MLPH: variants seen among roughly 807,000 people sequenced by gnomAD.
MLPH encodes melanophilin.
Under a neutral mutation model 72.1 loss-of-function variants are expected in MLPH, and 51 were observed. That is an observed-to-expected ratio of 0.71 (90% CI 0.56 to 0.89). MLPH has a LOEUF of 0.89. Ranked by LOEUF, MLPH falls within the 40% of genes least tolerant of loss-of-function variation. MLPH has a pLI of 0.00. For missense variants in MLPH, 743 were observed against 759.9 expected, an observed-to-expected ratio of 0.98 and a Z score of 0.26; for synonymous variants, 301 against 310.1, an observed-to-expected ratio of 0.97 and a Z score of 0.31.
chr2:237,501,785 G>A (rs1400881614), intron 2 of MLPH, among the ~76,000 whole-genome samples: 5 of 151,666 alleles, frequency 3.3e-5, no homozygotes, highest in Non-Finnish European at 1.5e-5. Context: ...GGAGGCGGAG[G>A]TTGCATGAGC....
chr2:237,510,785 C>A lies in MLPH; in HGVS notation c.322C>A (p.His108Asn). 2 of 1,613,450 alleles carry A rather than the reference C, an allele frequency of 1.2e-6. No homozygotes were observed. Among genetic ancestry groups the A allele is most frequent in the South Asian group, 2.2e-5 (2 of 91,064 alleles). The change falls in exon 3 of 16, where the codon CAT becomes AAT. Residue 108 changes from histidine (H) to asparagine (N), a missense_variant. Coordinates refer to ENST00000264605, the MANE Select transcript of MLPH (RefSeq NM_024101.7). The surrounding 1 kb of genome is among the most constrained non-coding windows in gnomAD (Gnocchi z 4.4). Reference protein sequence around the residue: ...EEQGWICDPCHLARVVKIGSL... With the variant: ...EEQGWICDPCNLARVVKIGSL... ...GCAGGGCTGGATCTGTGACCCCTGC[C>A]ATCTGGCCAGGTGAGCCCAGGCCTT...
At chr2:237,521,209 C>T (rs79071719) in intron 6 of MLPH, among the ~76,000 whole-genome samples, 21,279 of 151,912 alleles carry the variant, frequency 0.14, 1,594 homozygotes, top group Non-Finnish European at 0.16. Context: ...GCGAAGAAAA[C>T]AATATGGGTA....
At chr2:237,525,980 C>T (rs1352941683) in intron 7 of MLPH, among the ~76,000 whole-genome samples, 175 bp downstream of exon 7, 1 of 152,356 alleles carries the variant, frequency 6.6e-6, no homozygotes, top group Middle Eastern at 3.4e-3. Flanking sequence ...CACCTGCCGT[C>T]CCCGGGACCG....
intron 2 of MLPH, among the ~76,000 whole-genome samples, chr2:237,502,479 T>C (rs1159498726): frequency 6.6e-6 from 1 of 152,194 alleles, no homozygotes; most frequent in African/African-American, 2.4e-5. Context: ...ATCATGCTTG[T>C]GTCAAGTTCT....
chr2:237,508,550 A>G (rs372318142), intron 2 of MLPH, among the ~76,000 whole-genome samples: 2 of 152,194 alleles, frequency 1.3e-5, no homozygotes, highest in East Asian at 3.8e-4. Context: ...AGAAAAGGCA[A>G]ATGATGTCTC....
chr2:237,518,270 G>T, intron 4 of MLPH: 1 of 554,602 alleles, frequency 1.8e-6, no homozygotes, highest in Non-Finnish European at 3.4e-6. Context: ...TGGATGGATG[G>T]GCTGCCCATT....
chr2:237,525,623 C>T lies in MLPH; in HGVS notation c.698C>T (p.Ser233Leu), dbSNP rs747267659. The T allele has an allele frequency of 6.2e-7, 1 of 1,614,120 alleles. No individual in the cohort carries two copies. Among genetic ancestry groups the T allele is most frequent in the Non-Finnish European group, 8.5e-7 (1 of 1,180,022 alleles). Residue 233 changes from serine (S) to leucine (L), a missense_variant, in exon 7 of 16, where the codon TCA becomes TTA. Physicochemically the swap from Ser to Leu is moderately radical, Grantham distance 145. Coordinates refer to ENST00000264605, the MANE Select transcript of MLPH (RefSeq NM_024101.7). ...SPQSLTDESC[S>L]EKAAPHKAEG... ...TAGTCCCTCACAGATGAGTCCTGCTCAGAGAAGGCAGCCCCTCACAAGGCT... is the reference window on the plus strand; with the variant it reads ...TAGTCCCTCACAGATGAGTCCTGCTTAGAGAAGGCAGCCCCTCACAAGGCT...
At chr2:237,545,251 A>AG (rs1325457111) in intron 12 of MLPH, among the ~76,000 whole-genome samples, 1 of 140,124 alleles carries the variant, frequency 7.1e-6, no homozygotes, top group Admixed American at 7.0e-5. Flanking sequence ...GTGGTGAGTG[A>AG]GGGGAACACA....
At chr2:237,488,437 A>G (rs533466194) in intron 1 of MLPH, among the ~76,000 whole-genome samples, 2 of 147,078 alleles carry the variant, frequency 1.4e-5, no homozygotes, top group East Asian at 3.9e-4. Context: ...GCTGGCCTGC[A>G]TCTGTCCTAG....
In MLPH at chr2:237,540,539, A is replaced by G; in HGVS notation, c.1290+6A>G. ...TCCCCCAGGCGGACCCGGAGGTAAG[A>G]CTATCCCCCAGAGGTCTCAGCAGGA... On this transcript the variant is annotated splice_donor_region_variant and intron_variant, in intron 10 of 15. Coordinates refer to ENST00000264605, the MANE Select transcript of MLPH (RefSeq NM_024101.7). 6.2e-7 allele frequency: 1 copy of G among 1,608,896 alleles called. No individual in the cohort carries two copies. The highest frequency in any genetic ancestry group is 8.5e-7 in the Non-Finnish European group (1 of 1,178,918).
At chr2:237,538,812 AG>A (rs2106371468) in intron 9 of MLPH, among the ~76,000 whole-genome samples, 1 of 152,360 alleles carries the variant, frequency 6.6e-6, no homozygotes, top group East Asian at 1.9e-4. Context: ...AACACAGGTC[AG>A]GAGGTGGAGG....
intron 5 of MLPH, 136 bp downstream of exon 5, chr2:237,518,784 T>TCTG: frequency 1.4e-6 from 1 of 728,020 alleles, no homozygotes. Flanking sequence ...GCACCAAGAA[T>TCTG]CTGCTGCCCT....
chr2:237,507,259 G>T (rs1417704521), intron 2 of MLPH: 2 of 151,746 alleles, frequency 1.3e-5, no homozygotes, highest in Non-Finnish European at 2.9e-5. Flanking sequence ...TAGAGACAGG[G>T]TTTCACCACA....
intron 2 of MLPH, among the ~76,000 whole-genome samples, chr2:237,501,697 A>AAAAAAAC (rs2079654573): frequency 6.8e-6 from 1 of 146,220 alleles, no homozygotes; most frequent in African/African-American, 2.5e-5. Flanking sequence ...AAATACAAAA[A>AAAAAAAC]AATTAGCCAG....
At chr2:237,542,443 G>A in intron 11 of MLPH, 124 bp from the exon 12 acceptor site, 1 of 782,408 alleles carries the variant, frequency 1.3e-6, no homozygotes, top group Non-Finnish European at 2.2e-6. Flanking sequence ...CCAATCTTAA[G>A]GGAAAACACA....
At chr2:237,524,320 T>TATATATATATAGATATATATATATATAC (rs2080255684) in intron 6 of MLPH, among the ~76,000 whole-genome samples, 1 of 146,968 alleles carries the variant, frequency 6.8e-6, no homozygotes, top group African/African-American at 2.7e-5. Flanking sequence ...TATATATATA[T>TATATATATATAGATATATATATATATAC]AAAGGGGAGT....
intron 9 of MLPH, among the ~76,000 whole-genome samples, chr2:237,536,755 T>A (rs1158972510): frequency 6.6e-6 from 1 of 152,018 alleles, no homozygotes; most frequent in Non-Finnish European, 1.5e-5. Flanking sequence ...CCTGCCCAAC[T>A]CCTTCCCCAC....
chr2:237,545,526 T>C (rs2106404183), intron 12 of MLPH: 2 of 1,289,006 alleles, frequency 1.6e-6, no homozygotes, highest in African/African-American at 3.0e-5. Context: ...CAGTGTAAAA[T>C]CCAAAAGGAG....
At chr2:237,525,849 G>A (rs758018571) in intron 7 of MLPH, 44 bp downstream of exon 7, 7 of 1,578,016 alleles carry the variant, frequency 4.4e-6, no homozygotes, top group Middle Eastern at 2.2e-4. Context: ...CTCGGCATGG[G>A]GGAGCAGGTC....
Sources: gnomAD v4.1 joint callset for allele counts (sites outside exome capture counted in the v4.1 genomes callset) on GRCh38, gnomAD v4.1.1 for gene constraint, Gnocchi (gnomAD v3.1) non-coding constraint, MANE v1.5 for transcripts, NCBI Gene and HGNC (gene_info 2026-07-23, HGNC 2026-07-21) for gene names.